Variants in CYTH1 observed in about 807,000 individuals in gnomAD.
The protein encoded by CYTH1 is cytohesin 1.
In CYTH1, 18 loss-of-function variants were observed where a neutral mutation model predicts 61.8. The observed-to-expected ratio is 0.29, with a 90% CI of 0.20 to 0.43. The LOEUF (loss-of-function observed/expected upper bound fraction) is 0.43, where lower values mean the gene tolerates loss of function less well. CYTH1 is among the 20% of genes least tolerant of loss of function. The pLI, the probability that CYTH1 is intolerant of heterozygous loss-of-function variation, is 1.00. For synonymous variants in CYTH1, 174 were observed against 184.3 expected (o/e 0.94, Z 0.45); for missense variants, 336 against 510.5 (o/e 0.66, Z 3.29).
At chr17:78,683,209 G>C (rs2092781497) in intron 11 of CYTH1, among the ~76,000 whole-genome samples, 1 of 152,098 alleles carries the variant, frequency 6.6e-6, no homozygotes, top group African/African-American at 2.4e-5. Context: ...TGTCACCTGA[G>C]ACGGCTGAGT....
At chr17:78,768,715 T>TG (rs757315579) in intron 1 of CYTH1, among the ~76,000 whole-genome samples, 3 of 152,056 alleles carry the variant, frequency 2.0e-5, no homozygotes, top group Non-Finnish European at 4.4e-5. Flanking sequence ...AAAAATTCCT[T>TG]AAGGGTCTCT....
At chr17:78,702,484 A>G (rs959779971) in intron 4 of CYTH1, 54 bp downstream of exon 4, 25 of 1,574,706 alleles carry the variant, frequency 1.6e-5, no homozygotes, top group Non-Finnish European at 2.1e-5. Flanking sequence ...CTATCTGAGC[A>G]CTATAAAAAA....
chr17:78,730,369 CAAAAAAAAA>C (rs56790957), intron 1 of CYTH1, among the ~76,000 whole-genome samples: 1 of 95,356 alleles, frequency 1.0e-5, no homozygotes, highest in Admixed American at 1.2e-4. Flanking sequence ...ACTAAAAATA[CAAAAAAAAA>C]AAAAAAAAAA....
chr17:78,754,051 T>TAGGG (rs2093391055), intron 1 of CYTH1, among the ~76,000 whole-genome samples: 3 of 151,262 alleles, frequency 2.0e-5, no homozygotes, highest in Admixed American at 1.3e-4. Flanking sequence ...ACACGTGGAG[T>TAGGG]AGGGAGGGAG....
At chr17:78,699,092 T>A in intron 7 of CYTH1, 124 bp from the exon 8 acceptor site, 4 of 1,204,930 alleles carry the variant, frequency 3.3e-6, no homozygotes, top group Non-Finnish European at 4.7e-6. Context: ...CTCGGCCAGA[T>A]GCAGTGGCTT....
intron 1 of CYTH1, among the ~76,000 whole-genome samples, chr17:78,732,229 C>T (rs1277201530): frequency 6.6e-6 from 1 of 152,222 alleles, no homozygotes; most frequent in East Asian, 1.9e-4. Flanking sequence ...ATACTGACAT[C>T]TTAGAAAATT....
intron 1 of CYTH1, among the ~76,000 whole-genome samples, chr17:78,742,729 C>T (rs1171132014): frequency 6.6e-6 from 1 of 151,834 alleles, no homozygotes; most frequent in Non-Finnish European, 1.5e-5. Flanking sequence ...GGTGGGCGCA[C>T]CTGTAATCCC....
intron 1 of CYTH1, chr17:78,727,745 C>T (rs1290822211): frequency 6.4e-6 from 3 of 470,830 alleles, no homozygotes; most frequent in South Asian, 4.6e-5. Flanking sequence ...GTTAGGAGGG[C>T]AGGCTTCTTC....
At chr17:78,731,755 CA>C (rs376349109) in intron 1 of CYTH1, among the ~76,000 whole-genome samples, 685 of 73,660 alleles carry the variant, frequency 9.3e-3, no homozygotes, top group Middle Eastern at 0.03. Context: ...GACTCCGTCT[CA>C]AAAAAAAAAA....
At chr17:78,771,875 A>G (rs777926700) in intron 1 of CYTH1, among the ~76,000 whole-genome samples, 5 of 152,170 alleles carry the variant, frequency 3.3e-5, no homozygotes, top group Non-Finnish European at 7.3e-5. Context: ...GCAGAAATAT[A>G]CAATGTCACG....
intron 1 of CYTH1, among the ~76,000 whole-genome samples, chr17:78,766,515 A>G (rs748487033): frequency 1.6e-4 from 24 of 152,130 alleles, no homozygotes; most frequent in Non-Finnish European, 2.8e-4. Flanking sequence ...CCTAAACTAA[A>G]TGCTACCCGG....
At chr17:78,758,851 T>C (rs994000184) in intron 1 of CYTH1, among the ~76,000 whole-genome samples, 2 of 152,158 alleles carry the variant, frequency 1.3e-5, no homozygotes, top group African/African-American at 4.8e-5. Flanking sequence ...AGACTTGAGG[T>C]CAGGGGCACC....
At chr17:78,746,360 C>T (rs1206233202) in intron 1 of CYTH1, among the ~76,000 whole-genome samples, 2 of 152,154 alleles carry the variant, frequency 1.3e-5, no homozygotes, top group Admixed American at 6.5e-5. Context: ...CATGTATATT[C>T]TTCTCTGAAC....
At chr17:78,762,138 C>T (rs149839284) in intron 1 of CYTH1, among the ~76,000 whole-genome samples, 3 of 152,170 alleles carry the variant, frequency 2.0e-5, no homozygotes. Context: ...ATTTCCATTA[C>T]CTGACAACAG....
intron 10 of CYTH1, among the ~76,000 whole-genome samples, chr17:78,693,390 A>C (rs949526706): frequency 2.6e-5 from 4 of 152,150 alleles, no homozygotes; most frequent in Non-Finnish European, 5.9e-5. Context: ...TGGGAGGTCA[A>C]GGTGGGTGGG....
At chr17:78,749,205 C>T (rs1268875472) in intron 1 of CYTH1, among the ~76,000 whole-genome samples, 1 of 152,014 alleles carries the variant, frequency 6.6e-6, no homozygotes, top group African/African-American at 2.4e-5. Flanking sequence ...AGTCTGAGAC[C>T]AGCCAGCACT....
intron 1 of CYTH1, among the ~76,000 whole-genome samples, chr17:78,733,669 TC>T (rs1327377322): frequency 1.3e-5 from 2 of 152,202 alleles, no homozygotes. Flanking sequence ...CTCACAGAAT[TC>T]CAGGCGATGC....
At chr17:78,694,575 G>T (rs1167292838) in intron 10 of CYTH1, among the ~76,000 whole-genome samples, 6 of 152,196 alleles carry the variant, frequency 3.9e-5, no homozygotes, top group Admixed American at 3.9e-4. Flanking sequence ...CAGAGTCTGA[G>T]AACTTTGGTC....
chr17:78,689,713 G>A (rs1331315352), intron 11 of CYTH1, among the ~76,000 whole-genome samples: 1 of 152,212 alleles, frequency 6.6e-6, no homozygotes, highest in Admixed American at 6.5e-5. Context: ...GTCTTCCCCA[G>A]TGAATATACA....
Sources: gnomAD v4.1 joint callset for allele counts (sites outside exome capture counted in the v4.1 genomes callset) on GRCh38, gnomAD v4.1.1 for gene constraint, MANE v1.5 for transcripts, NCBI Gene and HGNC (gene_info 2026-07-23, HGNC 2026-07-21) for gene names.